Variants in LHCGR observed in about 807,000 individuals in gnomAD.
The protein encoded by LHCGR is lutropin-choriogonadotropic hormone receptor.
A neutral mutation model predicts 60.7 loss-of-function variants in LHCGR; 55 were observed. The ratio of observed to expected loss-of-function variants is 0.91; its 90% CI spans 0.73 to 1.13. The LOEUF is 1.13. LHCGR is among the 50% of genes most tolerant of loss of function. The pLI is 0.00. For synonymous variants in LHCGR, 337 were observed against 316.5 expected (o/e 1.06, Z -0.69); for missense variants, 862 against 836.0 (o/e 1.03, Z -0.38).
chr2:48,688,876 T>G lies in LHCGR; in HGVS notation c.948-27A>C. On this transcript the variant is annotated intron_variant, in intron 10 of 10. Coordinates refer to ENST00000294954, the MANE Select transcript of LHCGR (RefSeq NM_000233.4). The surrounding 1 kb of genome is among the most constrained non-coding windows in gnomAD (Gnocchi z 5.2). Reference sequence around the variant, plus strand: ...TGTAAGAAGAATTATTGGCTTGAGGTAAGGGATTTTCTCTGAGTATTAAAA... The same window carrying G: ...TGTAAGAAGAATTATTGGCTTGAGGGAAGGGATTTTCTCTGAGTATTAAAA... 178 of 1,602,950 alleles carry G rather than the reference T, an allele frequency of 1.1e-4. No individual in the cohort carries two copies. The highest frequency in any genetic ancestry group is 1.4e-4 in the Non-Finnish European group (168 of 1,170,314).
chr2:48,743,236 G>A (rs1188569159), intron 1 of LHCGR, among the ~76,000 whole-genome samples: 2 of 151,954 alleles, frequency 1.3e-5, no homozygotes, highest in Non-Finnish European at 2.9e-5. Flanking sequence ...AGGACCAGAT[G>A]GATTCACAGC....
intron 1 of LHCGR, among the ~76,000 whole-genome samples, chr2:48,746,467 C>T (rs1669710203): frequency 1.3e-5 from 2 of 152,186 alleles, no homozygotes; most frequent in South Asian, 4.1e-4. Flanking sequence ...TAGAGAGCCA[C>T]TCTGCAGATT....
At chr2:48,734,706 G>C (rs919197682) in intron 1 of LHCGR, among the ~76,000 whole-genome samples, 1 of 152,180 alleles carries the variant, frequency 6.6e-6, no homozygotes, top group Non-Finnish European at 1.5e-5. Context: ...AAGCCAAGGA[G>C]AACTGAGGGC....
intron 9 of LHCGR, 80 bp downstream of exon 9, chr2:48,698,535 A>T: frequency 8.9e-7 from 1 of 1,123,256 alleles, no homozygotes; most frequent in Non-Finnish European, 1.3e-6. Context: ...AGGGGAGTGG[A>T]GCTGTCTACT....
At chr2:48,751,051 C>A (rs560951384) in intron 1 of LHCGR, among the ~76,000 whole-genome samples, 1 of 151,646 alleles carries the variant, frequency 6.6e-6, no homozygotes, top group Non-Finnish European at 1.5e-5. Context: ...GAGATATGTA[C>A]AAAAATATAT....
intron 8 of LHCGR, among the ~76,000 whole-genome samples, chr2:48,706,786 C>A (rs542378104): frequency 6.6e-6 from 1 of 152,256 alleles, no homozygotes; most frequent in Admixed American, 6.5e-5. Flanking sequence ...GTTAGCCATT[C>A]GCCTAACCTT....
chr2:48,734,183 G>A (rs1558879652), intron 1 of LHCGR, among the ~76,000 whole-genome samples: 3 of 152,216 alleles, frequency 2.0e-5, no homozygotes. Flanking sequence ...GCCTGTAGAA[G>A]TGAGAGTCTA....
chr2:48,748,555 G>A (rs948763711), intron 1 of LHCGR, among the ~76,000 whole-genome samples: 2 of 152,224 alleles, frequency 1.3e-5, no homozygotes, highest in African/African-American at 4.8e-5. Flanking sequence ...AGAAGGCCTA[G>A]TGGGTCATTT....
intron 8 of LHCGR, among the ~76,000 whole-genome samples, chr2:48,700,055 AGGC>A (rs1667331411): frequency 6.6e-6 from 1 of 152,220 alleles, no homozygotes; most frequent in African/African-American, 2.4e-5. Context: ...ATGATGGTGT[AGGC>A]CCTCAGTGGA....
intron 1 of LHCGR, among the ~76,000 whole-genome samples, chr2:48,734,440 T>C (rs1669131122): frequency 2.0e-5 from 3 of 152,224 alleles, no homozygotes; most frequent in Admixed American, 2.0e-4. Flanking sequence ...GGACTAGTGA[T>C]AATGTTACTT....
rs750291670 is a variant in LHCGR at position 48,688,707 on chromosome 2, C to A, written c.1090G>T (p.Val364Phe). ...AGAATATTAATCAGCCAAATCAGGA[C>A]CCTAAGGAAGTCATAGCCCATAATA... ...EDIMGYDFLRVLIWLINILAI... is the reference protein window; with the variant it reads ...EDIMGYDFLRFLIWLINILAI... Residue 364 changes from valine (V) to phenylalanine (F), a missense_variant, in exon 11 of 11, where the codon GTC (valine) becomes TTC (phenylalanine). Physicochemically the swap from Val to Phe is conservative, Grantham distance 50. Transcript: ENST00000294954. The surrounding 1 kb of genome is among the most constrained non-coding windows in gnomAD (Gnocchi z 5.2). 6.2e-6 allele frequency: 10 copies of A among 1,613,972 alleles called. No homozygotes were observed. The highest frequency in any genetic ancestry group is 8.5e-6 in the Non-Finnish European group (10 of 1,179,998).
intron 1 of LHCGR, among the ~76,000 whole-genome samples, chr2:48,739,740 C>A (rs1050598977): frequency 2.6e-5 from 4 of 151,896 alleles, no homozygotes; most frequent in Non-Finnish European, 5.9e-5. Context: ...CACAGCACAC[C>A]AACATGGCAC....
At chr2:48,745,991 C>CT (rs1669687313) in intron 1 of LHCGR, among the ~76,000 whole-genome samples, 1 of 152,168 alleles carries the variant, frequency 6.6e-6, no homozygotes, top group African/African-American at 2.4e-5. Context: ...TAAGAGCGCA[C>CT]ACTCTGGAGC....
At chr2:48,713,419 G>A (rs1410693655) in intron 7 of LHCGR, among the ~76,000 whole-genome samples, 1 of 152,098 alleles carries the variant, frequency 6.6e-6, no homozygotes, top group East Asian at 1.9e-4. Flanking sequence ...GGAAAGAGAG[G>A]TTGAGAACAG....
Position 48,698,910 on chromosome 2 carries a change from C to T in LHCGR, c.681-110G>A, listed in dbSNP as rs986735260. Reference sequence around the variant, plus strand: ...AGGCTGGAGTGCAGTGGCACGACCTCGGCTCACTGCAAGCTCCGCCTCCTG... The same window carrying T: ...AGGCTGGAGTGCAGTGGCACGACCTTGGCTCACTGCAAGCTCCGCCTCCTG... On this transcript the variant is annotated intron_variant, in intron 8 of 10. Coordinates refer to ENST00000294954, the MANE Select transcript of LHCGR (RefSeq NM_000233.4). 12 of 832,676 alleles carry T rather than the reference C, an allele frequency of 1.4e-5. No homozygotes were observed. In the African/African-American group the frequency reaches 1.7e-4, roughly 12 times the overall value. 51.6% of individuals were successfully genotyped at this position (832,676 alleles called of 1,614,324 possible).
At chr2:48,728,046 C>T (rs4953619) in intron 3 of LHCGR, among the ~76,000 whole-genome samples, 53,260 of 151,862 alleles carry the variant, frequency 0.35, 10,524 homozygotes, top group East Asian at 0.6. Context: ...GCTTTGAATG[C>T]GACCCAATAG....
At chr2:48,745,876 AAAAG>A (rs1417028874) in intron 1 of LHCGR, among the ~76,000 whole-genome samples, 1 of 150,482 alleles carries the variant, frequency 6.6e-6, no homozygotes, top group Non-Finnish European at 1.5e-5. Flanking sequence ...ATTAAAAATT[AAAAG>A]AAAAAAAAAA....
At chr2:48,703,377 G>A (rs1268402366) in intron 8 of LHCGR, among the ~76,000 whole-genome samples, 1 of 152,120 alleles carries the variant, frequency 6.6e-6, no homozygotes, top group Non-Finnish European at 1.5e-5. Flanking sequence ...GTAATGCCTA[G>A]GTTTTCTTCT....
In LHCGR at chr2:48,709,945, C is replaced by A. The variant is rs191522422; in HGVS notation, c.606-923G>T. ...ATAAGAGAATGGTTGTGATTCAGAGCATCTGGAAAACCGTGGATGGTGGGA... is the reference window on the plus strand; with the variant it reads ...ATAAGAGAATGGTTGTGATTCAGAGAATCTGGAAAACCGTGGATGGTGGGA... On this transcript the variant is annotated intron_variant, in intron 7 of 10. Transcript: ENST00000294954. Among the ~76,000 whole-genome samples, 10 of 152,310 alleles carry A rather than the reference C, an allele frequency of 6.6e-5. No individual in the cohort carries two copies. The East Asian group carries it at 1.9e-3, about 29-fold the overall frequency.
Sources: gnomAD v4.1 joint callset for allele counts (sites outside exome capture counted in the v4.1 genomes callset) on GRCh38, gnomAD v4.1.1 for gene constraint, Gnocchi (gnomAD v3.1) non-coding constraint, MANE v1.5 for transcripts, NCBI Gene and HGNC (gene_info 2026-07-23, HGNC 2026-07-21) for gene names.